The following LTBP1 variants were observed in gnomAD, a reference collection of about 807,000 sequenced individuals.
LTBP1 encodes latent-transforming growth factor beta-binding protein 1.
Under a neutral mutation model 207.6 loss-of-function variants are expected in LTBP1, and 129 were observed. The ratio of observed to expected loss-of-function variants is 0.62; its 90% confidence interval spans 0.54 to 0.72. LTBP1 has a LOEUF of 0.72. LTBP1 is among the 30% of genes least tolerant of loss of function. The pLI, the probability that LTBP1 is intolerant of heterozygous loss-of-function variation, is 0.00. For synonymous variants in LTBP1, 963 were observed against 833.7 expected (o/e 1.16, Z -2.67); for missense variants, 2,281 against 2,217.2 (o/e 1.03, Z -0.58).
chr2:33,187,166 G>A, intron 6 of LTBP1, 86 bp downstream of exon 6: 1 of 1,161,892 alleles, frequency 8.6e-7, no homozygotes, highest in East Asian at 2.5e-5. Context: ...GGGTGGCCAG[G>A]GCTGGTATTG....
chr2:33,047,863 A>T (rs1436331214), intron 3 of LTBP1, among the ~76,000 whole-genome samples: 2 of 151,972 alleles, frequency 1.3e-5, no homozygotes, highest in Admixed American at 6.5e-5. Flanking sequence ...CTTTACCACT[A>T]TGTAATGCCC....
chr2:33,336,322 G>C (rs1049302633), intron 24 of LTBP1, among the ~76,000 whole-genome samples: 1 of 152,190 alleles, frequency 6.6e-6, no homozygotes, highest in Admixed American at 6.5e-5. Context: ...CATGGTGACA[G>C]GTAAGAGAAT....
At chr2:33,297,215 T>C (rs2093894049) in intron 20 of LTBP1, among the ~76,000 whole-genome samples, 1 of 152,132 alleles carries the variant, frequency 6.6e-6, no homozygotes, top group Non-Finnish European at 1.5e-5. Flanking sequence ...ACTCCGATTC[T>C]AATGGCGTCT....
chr2:33,360,723 C>G lies in LTBP1; in HGVS notation c.4127C>G (p.Ser1376Ter), dbSNP rs779301800. 6.2e-7 allele frequency: 1 copy of G among 1,614,044 alleles called. No individual in the cohort carries two copies. Among genetic ancestry groups the G allele is most frequent in the Non-Finnish European group, 8.5e-7 (1 of 1,179,898 alleles). ...NVTKQECCCT[S>*]GVGWGDNCEI... ...ACGAAACAAGAATGCTGCTGTACAT[C>G]AGGCGTGGGATGGGGAGATAACTGC... is the stretch of plus-strand genomic sequence containing the variant. The change falls in exon 27 of 34, where the codon TCA becomes TGA. Residue 1376 changes from serine to a stop codon, truncating the protein, a stop_gained. Transcript: ENST00000404816. LOFTEE classifies it high-confidence loss of function.
intron 7 of LTBP1, among the ~76,000 whole-genome samples, chr2:33,192,997 C>A (rs2088087794): frequency 6.6e-6 from 1 of 152,104 alleles, no homozygotes; most frequent in Non-Finnish European, 1.5e-5. Flanking sequence ...AACACTGTCG[C>A]TTTCAGGGGA....
intron 11 of LTBP1, among the ~76,000 whole-genome samples, chr2:33,256,392 A>C (rs914863657): frequency 6.6e-6 from 1 of 152,040 alleles, no homozygotes; most frequent in Non-Finnish European, 1.5e-5. Context: ...ACCAGCTGAT[A>C]CATGGCATTT....
At position 33,200,737 on chromosome 2, in the gene LTBP1, G is replaced by A. The variant is rs1206911245; in HGVS notation, c.1701+11886G>A. ...TTTGCAACCTACTCATCTGACAAAG[G>A]GCTAATATCCAGAATCTACAATGAA... On this transcript the variant is annotated intron_variant, in intron 7 of 33. Transcript: ENST00000404816. Among the ~76,000 whole-genome samples the A allele has an allele frequency of 2.6e-5, 4 of 151,894 alleles. No individual in the cohort carries two copies. The East Asian group carries it at 7.8e-4, about 29-fold the overall frequency.
chr2:33,328,292 C>A (rs1018249160), intron 24 of LTBP1, among the ~76,000 whole-genome samples: 7 of 152,068 alleles, frequency 4.6e-5, no homozygotes, highest in Non-Finnish European at 8.8e-5. Context: ...CGTGATTATT[C>A]CCCACCCTCA....
intron 26 of LTBP1, 139 bp downstream of exon 26, chr2:33,347,649 A>G (rs952363682): frequency 9.9e-7 from 1 of 1,008,986 alleles, no homozygotes; most frequent in Non-Finnish European, 1.5e-6. Flanking sequence ...GGAAGCTTCC[A>G]TGATCTTCTG....
rs1456160075 is a variant in LTBP1, at chr2:33,048,539, A to T, written c.863+27333A>T. ...GACATTCCACTAAGGCTGCAAGAAG[A>T]AAAAAAAGAATAGATGTTGTACTTA... On this transcript the variant is annotated intron_variant, in intron 3 of 33. Coordinates refer to ENST00000404816, the MANE Select transcript of LTBP1 (RefSeq NM_206943.4). 2.0e-5 allele frequency among the ~76,000 whole-genome samples: 3 copies of T among 152,288 alleles called. No homozygotes were observed. The South Asian group carries it at 6.2e-4, about 32-fold the overall frequency.
intron 3 of LTBP1, among the ~76,000 whole-genome samples, chr2:33,085,870 G>T (rs1362367084): frequency 6.6e-6 from 1 of 152,172 alleles, no homozygotes; most frequent in Non-Finnish European, 1.5e-5. Context: ...TGGGTTCTGG[G>T]AGGTGACAGA....
intron 4 of LTBP1, among the ~76,000 whole-genome samples, chr2:33,129,383 C>T (rs1009367798): frequency 3.9e-5 from 6 of 152,176 alleles, no homozygotes; most frequent in African/African-American, 1.4e-4. Flanking sequence ...GAGGCAGCAA[C>T]AGGGCACACA....
At chr2:33,372,809 A>G (rs1239100746) in intron 31 of LTBP1, among the ~76,000 whole-genome samples, 1 of 152,208 alleles carries the variant, frequency 6.6e-6, no homozygotes, top group Non-Finnish European at 1.5e-5. Context: ...GGTTGCAGTG[A>G]GCGAAGATCG....
chr2:33,346,778 C>T (rs797009061), intron 25 of LTBP1, among the ~76,000 whole-genome samples: 19 of 151,988 alleles, frequency 1.3e-4, no homozygotes, highest in African/African-American at 4.6e-4. Flanking sequence ...GGTCAGTGGG[C>T]ACATACTAGT....
intron 2 of LTBP1, among the ~76,000 whole-genome samples, chr2:32,982,957 A>G (rs1214747663): frequency 1.3e-5 from 2 of 152,208 alleles, no homozygotes; most frequent in Admixed American, 6.5e-5. Flanking sequence ...CCACTGGGGC[A>G]TTGCCTAGTG....
In LTBP1 at chr2:33,012,192, AG is replaced by A. The variant is rs566511865; in HGVS notation, c.566-8716del. Reference sequence around the variant, plus strand: ...CAGTGCCTGGTGCAAAATTGAGCATAGAATTGTCACTCAGTATTTTGTTGAA... The same window carrying A: ...CAGTGCCTGGTGCAAAATTGAGCATAAATTGTCACTCAGTATTTTGTTGAA... On this transcript the variant is annotated intron_variant, in intron 2 of 33. Transcript: ENST00000404816. 2.2e-4 allele frequency among the ~76,000 whole-genome samples: 34 copies of A among 152,148 alleles called. 1 individual carries two copies. In the South Asian group the frequency reaches 7.0e-3, roughly 32 times the overall value.
At chr2:33,062,457 A>G (rs887929298) in intron 3 of LTBP1, among the ~76,000 whole-genome samples, 1 of 152,152 alleles carries the variant, frequency 6.6e-6, no homozygotes, top group African/African-American at 2.4e-5. Flanking sequence ...ATTAACTTTG[A>G]GTTCACTTGA....
chr2:33,094,829 A>G (rs2079303737), intron 3 of LTBP1, among the ~76,000 whole-genome samples: 1 of 152,174 alleles, frequency 6.6e-6, no homozygotes. Context: ...TGTGCAAGGT[A>G]ATGCCATCTT....
intron 23 of LTBP1, among the ~76,000 whole-genome samples, chr2:33,310,647 A>C (rs976908643): frequency 6.6e-6 from 1 of 152,188 alleles, no homozygotes; most frequent in African/African-American, 2.4e-5. Flanking sequence ...TGCCATACCA[A>C]TTATTGTTAC....
Sources: allele counts gnomAD v4.1 joint callset (sites outside exome capture counted in the v4.1 genomes callset), GRCh38; gene constraint gnomAD v4.1.1; transcripts MANE v1.5; gene names NCBI Gene and HGNC (gene_info 2026-07-23, HGNC 2026-07-21).